Variants in PDGFC observed in about 807,000 individuals in gnomAD.
PDGFC encodes the protein platelet-derived growth factor C.
Under a neutral mutation model 35.5 loss-of-function variants are expected in PDGFC, and 12 were observed. The ratio of observed to expected loss-of-function variants is 0.34; its 90% CI spans 0.22 to 0.55. The LOEUF (loss-of-function observed/expected upper bound fraction) is 0.55. PDGFC is among the 20% of genes least tolerant of loss of function. The pLI, the probability that PDGFC is intolerant of heterozygous loss-of-function variation, is 0.91. For synonymous variants in PDGFC, 159 were observed against 148.8 expected (o/e 1.07, Z -0.50); for missense variants, 322 against 412.4 (o/e 0.78, Z 1.90).
chr4:156,908,557 T>C (rs1283741484), intron 1 of PDGFC, among the ~76,000 whole-genome samples: 1 of 152,150 alleles, frequency 6.6e-6, no homozygotes, highest in East Asian at 1.9e-4. Context: ...CATCACAACA[T>C]TGGACAAAAT....
At chr4:156,911,390 T>C (rs1283509358) in intron 1 of PDGFC, among the ~76,000 whole-genome samples, 1 of 152,110 alleles carries the variant, frequency 6.6e-6, no homozygotes, top group Non-Finnish European at 1.5e-5. Context: ...ATTCCTTGAC[T>C]ACACTGAACT....
rs76221620 is a variant in PDGFC, at chr4:156,944,330, T to A, written c.118+26456A>T. Among the ~76,000 whole-genome samples the A allele has an allele frequency of 8.0e-3, 1,213 of 152,258 alleles. 13 individuals are homozygous for A. Among genetic ancestry groups the A allele is most frequent in the African/African-American group, 0.027 (1,103 of 41,578 alleles). Reference sequence around the variant, plus strand: ...ATTTATCACTAAATGGAATTCTTTATTCTGGCACATCTTCCTCTGTAAATA... The same window carrying A: ...ATTTATCACTAAATGGAATTCTTTAATCTGGCACATCTTCCTCTGTAAATA... On this transcript the variant is annotated intron_variant, in intron 1 of 5. Coordinates refer to ENST00000502773, the MANE Select transcript of PDGFC (RefSeq NM_016205.3).
At chr4:156,815,323 TACACACACACACACACACACACAC>T (rs3042796) in intron 2 of PDGFC, among the ~76,000 whole-genome samples, 9 of 144,996 alleles carry the variant, frequency 6.2e-5, no homozygotes, top group African/African-American at 5.1e-5. Context: ...AATAATTTTT[TACACACACACACACACACACACAC>T]ACACACACAC....
intron 2 of PDGFC, among the ~76,000 whole-genome samples, chr4:156,817,511 A>T (rs1732120149): frequency 6.6e-6 from 1 of 152,208 alleles, no homozygotes; most frequent in Non-Finnish European, 1.5e-5. Flanking sequence ...GGAAAAGTAG[A>T]AAAAGTTAAG....
At chr4:156,890,808 A>T (rs2111193580) in intron 1 of PDGFC, among the ~76,000 whole-genome samples, 1 of 152,350 alleles carries the variant, frequency 6.6e-6, no homozygotes, top group Non-Finnish European at 1.5e-5. Context: ...TAGCAAATAT[A>T]AATTTAAAGA....
chr4:156,900,400 T>C (rs1379494179), intron 1 of PDGFC, among the ~76,000 whole-genome samples: 3 of 152,164 alleles, frequency 2.0e-5, no homozygotes, highest in Non-Finnish European at 2.9e-5. Context: ...GGAATCATGA[T>C]CATTTAAACG....
chr4:156,827,781 C>T (rs1309221821), intron 2 of PDGFC, among the ~76,000 whole-genome samples: 1 of 151,962 alleles, frequency 6.6e-6, no homozygotes, highest in East Asian at 1.9e-4. Context: ...TATTATTTTC[C>T]AAGGTCAATA....
At chr4:156,766,079 A>G (rs1730519079) in intron 5 of PDGFC, among the ~76,000 whole-genome samples, 1 of 152,160 alleles carries the variant, frequency 6.6e-6, no homozygotes, top group Non-Finnish European at 1.5e-5. Flanking sequence ...CTCAAGCATT[A>G]CACTGCAATG....
intron 2 of PDGFC, 39 bp downstream of exon 2, chr4:156,850,182 A>T (rs1378891277): frequency 7.7e-6 from 8 of 1,042,784 alleles, no homozygotes; most frequent in Non-Finnish European, 9.4e-6. Flanking sequence ...GACTTTTAAC[A>T]GTTGTTACAT....
intron 1 of PDGFC, among the ~76,000 whole-genome samples, chr4:156,875,656 G>A (rs1340348296): frequency 5.9e-5 from 9 of 152,162 alleles, no homozygotes; most frequent in Admixed American, 1.3e-4. Flanking sequence ...AGTGGCTCAC[G>A]CCTGTAATCC....
chr4:156,965,493 G>A (rs909996737), intron 1 of PDGFC, among the ~76,000 whole-genome samples: 1 of 152,250 alleles, frequency 6.6e-6, no homozygotes, highest in African/African-American at 2.4e-5. Flanking sequence ...TGACAAGACA[G>A]TGAGGGGTGG....
chr4:156,784,493 C>T (rs919809005), intron 3 of PDGFC, among the ~76,000 whole-genome samples: 5 of 151,542 alleles, frequency 3.3e-5, no homozygotes, highest in African/African-American at 9.7e-5. Context: ...GAAGTTTCAT[C>T]GAAGTAAGAA....
At chr4:156,882,778 A>C (rs1158890399) in intron 1 of PDGFC, among the ~76,000 whole-genome samples, 1 of 152,146 alleles carries the variant, frequency 6.6e-6, no homozygotes, top group Admixed American at 6.5e-5. Context: ...CAGATTCAAA[A>C]ATTTAACTTA....
In PDGFC at chr4:156,895,512, A is replaced by G. The variant is rs138235112; in HGVS notation, c.119-45096T>C. Among the ~76,000 whole-genome samples the G allele has an allele frequency of 9.4e-3, 1,429 of 151,834 alleles. 18 individuals are homozygous for G. Among genetic ancestry groups the G allele is most frequent in the African/African-American group, 0.032 (1,315 of 41,424 alleles). On this transcript the variant is annotated intron_variant, in intron 1 of 5. Transcript: ENST00000502773. ...CCGGGTGTTGTGGTGGGTGCCTGTA[A>G]TCCCAGCTACTCAGGAGGCTGAGGC...
intron 2 of PDGFC, among the ~76,000 whole-genome samples, chr4:156,838,133 G>A (rs17035300): frequency 0.06 from 9,075 of 152,206 alleles, 892 homozygotes; most frequent in African/African-American, 0.21. Flanking sequence ...CCAGAAGTGC[G>A]CGTAGTAAAA....
chr4:156,837,761 T>C (rs1729097264), intron 2 of PDGFC, among the ~76,000 whole-genome samples: 1 of 152,138 alleles, frequency 6.6e-6, no homozygotes, highest in African/African-American at 2.4e-5. Context: ...GAGGAGAGGA[T>C]AAGAGGCAGG....
chr4:156,772,791 TAAG>T lies in PDGFC; in HGVS notation c.595_597del (p.Leu199del). ...CATCTCTCTGGTTCAAGATATCGAA[TAAG>T]GTCTTCCAAGGTACTAAAGGCAGTT... On this transcript the variant is annotated inframe_deletion, in exon 4 of 6. Coordinates refer to ENST00000502773, the MANE Select transcript of PDGFC (RefSeq NM_016205.3). 6.2e-7 allele frequency: 1 copy of T among 1,613,008 alleles called. No homozygotes were observed. Among genetic ancestry groups the T allele is most frequent in the Non-Finnish European group, 8.5e-7 (1 of 1,179,092 alleles).
chr4:156,941,597 C>CA (rs1258477337), intron 1 of PDGFC, among the ~76,000 whole-genome samples: 19 of 151,930 alleles, frequency 1.3e-4, no homozygotes, highest in Middle Eastern at 3.4e-3. Context: ...TTTTAAATGC[C>CA]AAGGCAAAAG....
intron 2 of PDGFC, among the ~76,000 whole-genome samples, chr4:156,832,152 T>C (rs1728950509): frequency 1.3e-5 from 2 of 152,064 alleles, no homozygotes; most frequent in African/African-American, 4.8e-5. Flanking sequence ...GCCAATACTC[T>C]TTCTTCTCCT....
Sources: allele counts gnomAD v4.1 joint callset (sites outside exome capture counted in the v4.1 genomes callset), GRCh38; gene constraint gnomAD v4.1.1; transcripts MANE v1.5; gene names NCBI Gene and HGNC (gene_info 2026-07-23, HGNC 2026-07-21).